Variants in ADAMTS3 observed in about 807,000 individuals in gnomAD.
ADAMTS3 encodes ADAM metallopeptidase with thrombospondin type 1 motif 3.
In ADAMTS3, 73 loss-of-function variants were observed where a neutral mutation model predicts 129.0. The ratio of observed to expected loss-of-function variants is 0.57; its 90% CI spans 0.47 to 0.69. ADAMTS3 has a LOEUF of 0.69. ADAMTS3 is among the 30% of genes least tolerant of loss of function. ADAMTS3 has a pLI of 0.00. For missense variants in ADAMTS3, 1,457 were observed against 1,514.5 expected (o/e 0.96, Z 0.63); for synonymous variants, 477 against 510.8 (o/e 0.93, Z 0.89).
intron 3 of ADAMTS3, among the ~76,000 whole-genome samples, chr4:72,478,100 T>C (rs1279291508): frequency 6.6e-6 from 1 of 152,176 alleles, no homozygotes; most frequent in African/African-American, 2.4e-5. Context: ...CACAGCCAAA[T>C]TCTACCAGAG....
rs1719220867 is a variant in ADAMTS3, at chr4:72,311,074, T to C, written c.2029A>G (p.Ser677Gly). ...ACACACTCTCCTCGCACACATATGC[T>C]ATATGGATCTTTGTAAGAACAGTGC... ...GTHCSYKDPY[S>G]ICVRGECVKV... The change falls in exon 14 of 22, where the codon AGC becomes GGC. Residue 677 changes from serine (S) to glycine (G), a missense_variant. By Grantham distance (56) the Ser-to-Gly change is moderately conservative. Transcript: ENST00000286657. 2 of 1,610,548 alleles carry C rather than the reference T, an allele frequency of 1.2e-6. No individual in the cohort carries two copies. The highest frequency in any genetic ancestry group is 1.7e-6 in the Non-Finnish European group (2 of 1,177,892).
intron 3 of ADAMTS3, among the ~76,000 whole-genome samples, chr4:72,454,994 T>G (rs1012531193): frequency 2.6e-5 from 4 of 151,748 alleles, no homozygotes; most frequent in Admixed American, 2.0e-4. Context: ...TGTATGAGAC[T>G]GAATTCATCA....
At chr4:72,450,020 C>A (rs981371979) in intron 3 of ADAMTS3, among the ~76,000 whole-genome samples, 42 of 151,800 alleles carry the variant, frequency 2.8e-4, no homozygotes, top group African/African-American at 9.9e-4. Flanking sequence ...GGTTTTCCAC[C>A]TATCTCTCCC....
intron 3 of ADAMTS3, among the ~76,000 whole-genome samples, chr4:72,501,023 G>A (rs2110023881): frequency 6.6e-6 from 1 of 152,234 alleles, no homozygotes; most frequent in South Asian, 2.1e-4. Flanking sequence ...TAGCCTTATT[G>A]TATAGTTTGA....
chr4:72,494,791 T>G (rs1719835753), intron 3 of ADAMTS3, among the ~76,000 whole-genome samples: 1 of 152,104 alleles, frequency 6.6e-6, no homozygotes, highest in Non-Finnish European at 1.5e-5. Context: ...TGGCTCAGTT[T>G]GGGGGTGCTT....
intron 2 of ADAMTS3, among the ~76,000 whole-genome samples, chr4:72,561,643 C>T (rs372427222): frequency 3.8e-4 from 58 of 152,182 alleles, no homozygotes; most frequent in African/African-American, 1.4e-3. Flanking sequence ...AATATACTTA[C>T]TAAATATTAA....
intron 17 of ADAMTS3, among the ~76,000 whole-genome samples, chr4:72,298,884 T>G (rs1238830656): frequency 6.6e-6 from 1 of 151,942 alleles, no homozygotes; most frequent in East Asian, 1.9e-4. Context: ...CATTTTAAAA[T>G]TGTCTTCAAC....
intron 3 of ADAMTS3, among the ~76,000 whole-genome samples, chr4:72,511,452 A>G (rs1037550080): frequency 2.0e-5 from 3 of 152,228 alleles, no homozygotes; most frequent in Non-Finnish European, 2.9e-5. Flanking sequence ...AAATTAGGGA[A>G]AAGATTTGAA....
intron 4 of ADAMTS3, among the ~76,000 whole-genome samples, chr4:72,366,856 CAG>C (rs1479016906): frequency 6.6e-6 from 1 of 151,210 alleles, no homozygotes; most frequent in Non-Finnish European, 1.5e-5. Context: ...AAAGTCTGAA[CAG>C]AGTTTGTATC....
chr4:72,344,914 T>G (rs1286765836), intron 4 of ADAMTS3, among the ~76,000 whole-genome samples: 1 of 152,140 alleles, frequency 6.6e-6, no homozygotes, highest in Non-Finnish European at 1.5e-5. Flanking sequence ...TTCCATCATG[T>G]TTAGGTCACC....
At chr4:72,471,743 T>C (rs1560528702) in intron 3 of ADAMTS3, among the ~76,000 whole-genome samples, 1 of 152,230 alleles carries the variant, frequency 6.6e-6, no homozygotes, top group East Asian at 1.9e-4. Flanking sequence ...CAAACTTGTT[T>C]ATGTTAATAT....
intron 3 of ADAMTS3, among the ~76,000 whole-genome samples, chr4:72,543,561 C>T (rs1721389996): frequency 6.6e-6 from 1 of 152,026 alleles, no homozygotes; most frequent in Non-Finnish European, 1.5e-5. Flanking sequence ...CTGACATATG[C>T]TTCAAAATGG....
rs1719263927 is a variant in ADAMTS3 at position 72,312,349 on chromosome 4, G to A, written c.1863C>T (p.Asn621=). The change falls in exon 13 of 22, where the codon AAC becomes AAT. Residue 621 remains asparagine (N), a synonymous_variant. Transcript: ENST00000286657. Reference sequence around the variant, plus strand: ...TGGTATTCTGGTATTCAAAGTGGGAGTTTCGCTGCTGACACTGCTGTGCTC... The same window carrying A: ...TGGTATTCTGGTATTCAAAGTGGGAATTTCGCTGCTGACACTGCTGTGCTC... ...DFRAQQCQQR[N]SHFEYQNTKH... 1 of 1,613,722 alleles carries A rather than the reference G, an allele frequency of 6.2e-7. No individual in the cohort carries two copies. Among genetic ancestry groups the A allele is most frequent in the Admixed American group, 1.7e-5 (1 of 59,976 alleles).
chr4:72,349,600 T>C (rs761254064), intron 4 of ADAMTS3, among the ~76,000 whole-genome samples: 7 of 152,014 alleles, frequency 4.6e-5, no homozygotes, highest in Non-Finnish European at 7.4e-5. Flanking sequence ...AAATGTTGCC[T>C]ATTTTTTTTC....
chr4:72,448,593 A>G (rs1718315897), intron 3 of ADAMTS3, among the ~76,000 whole-genome samples: 1 of 151,758 alleles, frequency 6.6e-6, no homozygotes, highest in African/African-American at 2.4e-5. Flanking sequence ...AAAAATTTAT[A>G]TGGCATTATC....
intron 4 of ADAMTS3, among the ~76,000 whole-genome samples, chr4:72,391,094 C>T (rs764037658): frequency 1.3e-5 from 2 of 151,544 alleles, no homozygotes; most frequent in African/African-American, 2.4e-5. Flanking sequence ...TGTTTAGTTA[C>T]GGGTAACATC....
chr4:72,415,011 A>G (rs1722269822), intron 3 of ADAMTS3, 40 bp from the exon 4 acceptor site: 1 of 1,326,568 alleles, frequency 7.5e-7, no homozygotes, highest in Non-Finnish European at 9.9e-7. Flanking sequence ...AAAAAGAAAT[A>G]TCTATCATCT....
intron 3 of ADAMTS3, among the ~76,000 whole-genome samples, chr4:72,545,861 T>C (rs1357697686): frequency 6.6e-6 from 1 of 152,184 alleles, no homozygotes; most frequent in East Asian, 1.9e-4. Flanking sequence ...AAATCCACTG[T>C]TAATAGCTAA....
intron 3 of ADAMTS3, among the ~76,000 whole-genome samples, chr4:72,451,642 C>A (rs1348269697): frequency 1.3e-5 from 2 of 151,804 alleles, no homozygotes; most frequent in East Asian, 3.9e-4. Flanking sequence ...GTTACACTTA[C>A]TGATTCCAAA....
Sources: allele counts gnomAD v4.1 joint callset (sites outside exome capture counted in the v4.1 genomes callset), GRCh38; gene constraint gnomAD v4.1.1; transcripts MANE v1.5; gene names NCBI Gene and HGNC (gene_info 2026-07-23, HGNC 2026-07-21).